Variants in ANKRD31 observed in about 807,000 individuals in gnomAD.
ANKRD31 encodes ankyrin repeat domain 31.
In ANKRD31, 147 loss-of-function variants were observed where a neutral mutation model predicts 186.0. The ratio of observed to expected loss-of-function variants is 0.79; its 90% confidence interval spans 0.69 to 0.91. The LOEUF is 0.91. ANKRD31 is among the 40% of genes least tolerant of loss of function. The pLI, the probability that ANKRD31 is intolerant of heterozygous loss-of-function variation, is 0.00. For missense variants in ANKRD31, 1,986 were observed against 2,148.8 expected (o/e 0.92, Z 1.50); for synonymous variants, 673 against 736.4 (o/e 0.91, Z 1.39).
intron 25 of ANKRD31, among the ~76,000 whole-genome samples, chr5:75,069,971 A>C (rs1580260484): frequency 6.6e-6 from 1 of 152,202 alleles, no homozygotes; most frequent in South Asian, 2.1e-4. Context: ...AAGCAAGAGA[A>C]ACTGGTGCTC....
chr5:75,213,809 A>G (rs1756797712), intron 3 of ANKRD31, among the ~76,000 whole-genome samples: 1 of 152,190 alleles, frequency 6.6e-6, no homozygotes, highest in African/African-American at 2.4e-5. Flanking sequence ...CAACCAAAAA[A>G]GCAATCTCCT....
At chr5:75,111,938 G>A (rs1580348127) in intron 20 of ANKRD31, among the ~76,000 whole-genome samples, 2 of 151,954 alleles carry the variant, frequency 1.3e-5, no homozygotes, top group Non-Finnish European at 2.9e-5. Flanking sequence ...TACTTTTAAG[G>A]GTTACCATAG....
rs143473090 is a variant in ANKRD31, at chr5:75,209,590, T to C, written c.326+1238A>G. 9.0e-3 allele frequency among the ~76,000 whole-genome samples: 1,376 copies of C among 152,098 alleles called. 11 individuals are homozygous for C. Among genetic ancestry groups the C allele is most frequent in the Middle Eastern group, 0.051 (15 of 294 alleles). Reference sequence around the variant, plus strand: ...TACTTGGGAGGCTGAGGCACAAGAATTGCTTGAATCTGGCAGACAGAGGTT... The same window carrying C: ...TACTTGGGAGGCTGAGGCACAAGAACTGCTTGAATCTGGCAGACAGAGGTT... On this transcript the variant is annotated intron_variant, in intron 4 of 25. Coordinates refer to ENST00000506364, the MANE Select transcript of ANKRD31 (RefSeq NM_001372053.1).
chr5:75,131,162 T>C (rs1321760045), intron 17 of ANKRD31, among the ~76,000 whole-genome samples: 1 of 151,834 alleles, frequency 6.6e-6, no homozygotes, highest in Non-Finnish European at 1.5e-5. Context: ...TGCCTCTCCC[T>C]CCACACCTCC....
chr5:75,191,901 C>T (rs1755141814), intron 9 of ANKRD31, among the ~76,000 whole-genome samples: 1 of 152,094 alleles, frequency 6.6e-6, no homozygotes, highest in African/African-American at 2.4e-5. Flanking sequence ...ATTTTTAAAA[C>T]TTTTTCTTTT....
rs966132920 is a variant in ANKRD31, at chr5:75,146,435, G to T, written c.2976C>A (p.Cys992Ter). Residue 992 changes from cysteine (C) to a stop codon, truncating the protein, a stop_gained, in exon 14 of 26, where the codon TGC (cysteine) becomes TGA (stop). Coordinates refer to ENST00000506364, the MANE Select transcript of ANKRD31 (RefSeq NM_001372053.1). LOFTEE classifies it high-confidence loss of function. ...ISEHVANYEQ[C>*]IFGPSFDHSN... ...AGTGATCAAAAGAAGGTCCAAATAT[G>T]CATTGTTCATAATTTGCAACATGTT... 2 of 1,536,378 alleles carry T rather than the reference G, an allele frequency of 1.3e-6. No homozygotes were observed. Among genetic ancestry groups the T allele is most frequent in the East Asian group, 4.9e-5 (2 of 40,870 alleles).
intron 10 of ANKRD31, among the ~76,000 whole-genome samples, chr5:75,181,276 T>C (rs372632035): frequency 2.6e-5 from 4 of 152,008 alleles, no homozygotes; most frequent in East Asian, 1.9e-4. Context: ...AACACTTTTA[T>C]ACTGTTGGTG....
chr5:75,081,718 CAGAG>C (rs893724861), intron 24 of ANKRD31, among the ~76,000 whole-genome samples: 7 of 136,368 alleles, frequency 5.1e-5, no homozygotes, highest in South Asian at 2.3e-4. Flanking sequence ...GAGAGAGAGA[CAGAG>C]AGAGAGAGAG....
chr5:75,206,858 T>A (rs1037075136), intron 4 of ANKRD31, among the ~76,000 whole-genome samples: 5 of 152,176 alleles, frequency 3.3e-5, no homozygotes, highest in African/African-American at 1.2e-4. Context: ...CACTGATAGT[T>A]TGTCATTAGT....
At chr5:75,165,660 A>C (rs1052571976) in intron 11 of ANKRD31, among the ~76,000 whole-genome samples, 2 of 152,218 alleles carry the variant, frequency 1.3e-5, no homozygotes, top group African/African-American at 4.8e-5. Context: ...CCATCAAAAC[A>C]TAACAATTTA....
intron 11 of ANKRD31, among the ~76,000 whole-genome samples, chr5:75,158,092 G>T (rs1281687923): frequency 6.6e-6 from 1 of 152,054 alleles, no homozygotes; most frequent in Non-Finnish European, 1.5e-5. Context: ...TATATCCAAG[G>T]CAATGTCCTT....
At chr5:75,112,859 A>C (rs1747896359) in intron 19 of ANKRD31, among the ~76,000 whole-genome samples, 1 of 152,242 alleles carries the variant, frequency 6.6e-6, no homozygotes, top group Non-Finnish European at 1.5e-5. Context: ...AGCAATCACA[A>C]GAAATCAATT....
At chr5:75,119,306 T>C (rs755875040) in intron 17 of ANKRD31, among the ~76,000 whole-genome samples, 2 of 152,186 alleles carry the variant, frequency 1.3e-5, no homozygotes, top group South Asian at 2.1e-4. Flanking sequence ...TTTATGATCA[T>C]GTGTACCCAA....
intron 6 of ANKRD31, among the ~76,000 whole-genome samples, chr5:75,196,801 C>A (rs1001848727): frequency 2.0e-5 from 3 of 152,114 alleles, no homozygotes; most frequent in Admixed American, 6.5e-5. Context: ...AGCAAAAAAA[C>A]CCACTAAACT....
At chr5:75,078,901 G>A (rs1396004016) in intron 25 of ANKRD31, among the ~76,000 whole-genome samples, 1 of 152,168 alleles carries the variant, frequency 6.6e-6, no homozygotes, top group East Asian at 1.9e-4. Context: ...GAAATTTCAA[G>A]GGAAAATGCC....
intron 10 of ANKRD31, among the ~76,000 whole-genome samples, chr5:75,172,373 A>T (rs1471205521): frequency 6.6e-6 from 1 of 151,742 alleles, no homozygotes; most frequent in Non-Finnish European, 1.5e-5. Context: ...TTTAAAAAAA[A>T]AAAAACTCTG....
chr5:75,142,202 A>G (rs1751101704), intron 15 of ANKRD31, among the ~76,000 whole-genome samples: 1 of 152,138 alleles, frequency 6.6e-6, no homozygotes, highest in South Asian at 2.1e-4. Context: ...TGTCTTGTTC[A>G]CTGTACTAGA....
chr5:75,179,485 A>G (rs989943143), intron 10 of ANKRD31, among the ~76,000 whole-genome samples: 4 of 152,254 alleles, frequency 2.6e-5, no homozygotes, highest in African/African-American at 7.2e-5. Context: ...AAAATCCTCA[A>G]TAAAATACTG....
At position 75,084,282 on chromosome 5, in the gene ANKRD31, A is replaced by G. The variant is rs1443724686; in HGVS notation, c.5565T>C (p.Pro1855=). Residue 1855 remains proline (P), a synonymous_variant, in exon 24 of 26, where the codon CCT becomes CCC. Transcript: ENST00000506364. ...EPNSVPQQYQ[P]CLPEVACLDD... ...TTGTTCTGTACATACCTGGAAGACA[A>G]GGTTGATATTGCTGAGGTACTGAGT... The G allele has an allele frequency of 6.5e-7, 1 of 1,535,944 alleles. No homozygotes were observed. The highest frequency in any genetic ancestry group is 8.7e-7 in the Non-Finnish European group (1 of 1,145,760).
Sources: allele counts gnomAD v4.1 joint callset (sites outside exome capture counted in the v4.1 genomes callset), GRCh38; gene constraint gnomAD v4.1.1; transcripts MANE v1.5; gene names NCBI Gene and HGNC (gene_info 2026-07-23, HGNC 2026-07-21).